Variants in UGT2B17 observed in about 807,000 individuals in gnomAD.
UGT2B17 encodes UDP-glucuronosyltransferase 2B17.
UGT2B17 carries 21 observed loss-of-function variants against 48.2 expected under a neutral mutation model. The observed-to-expected ratio is 0.44, with a 90% CI of 0.31 to 0.63. The LOEUF (loss-of-function observed/expected upper bound fraction) is 0.63. UGT2B17 is among the 20% of genes least tolerant of loss of function. The probability of loss-of-function intolerance (pLI) is 0.08; values close to 1 mark genes in which losing one functional copy is unlikely to be tolerated. For synonymous variants in UGT2B17, 146 were observed against 238.4 expected, an observed-to-expected ratio of 0.61 and a Z score of 3.57; for missense variants, 402 against 696.1, an observed-to-expected ratio of 0.58 and a Z score of 4.75.
At chr4:68,566,630 C>A in intron 2 of UGT2B17, among the ~76,000 whole-genome samples, 1 of 114,878 alleles carries the variant, frequency 8.7e-6, no homozygotes, top group Non-Finnish European at 1.8e-5. Context: ...CACCATGATT[C>A]TAAGTTTCTT....
In UGT2B17 at chr4:68,552,258, C is replaced by T. The variant is rs1450070518; in HGVS notation, c.1006-347G>A. ...ACCTACTTCCCATTCTATTCAAAGT[C>T]AGCCCTTGGCTCACTGAGATAAATG... On this transcript the variant is annotated intron_variant, in intron 4 of 6. Coordinates refer to ENST00000317746, the MANE Select transcript of UGT2B17 (RefSeq NM_001077.4). 1.6e-5 allele frequency among the ~76,000 whole-genome samples: 2 copies of T among 126,210 alleles called. 1 individual carries two copies. Among genetic ancestry groups the T allele is most frequent in the Non-Finnish European group, 3.4e-5 (2 of 59,464 alleles). The allele number at this position is 126,210 out of a possible 152,430, so 82.8% of individuals were successfully genotyped here.
In UGT2B17 at chr4:68,576,033, C is replaced by T. The variant is rs149980930; in HGVS notation, c.-147G>A. On this transcript the variant is annotated 5_prime_UTR_variant, in exon 1 of 7. Transcript: ENST00000317746. ...GTTAATCCTCCACGGGGGCCTGCTA[C>T]GTGTTGATCTGGTGAGGTGTTCCAC... 0.016 allele frequency among the ~76,000 whole-genome samples: 1,973 copies of T among 125,998 alleles called. 407 individuals are homozygous for T. Among genetic ancestry groups the T allele is most frequent in the African/African-American group, 0.051 (1,892 of 36,802 alleles). 82.7% of individuals were successfully genotyped at this position (125,998 alleles called of 152,430 possible). A position where few individuals can be genotyped will look rare whatever the true frequency, so the allele number is the denominator to read the frequency against.
intron 3 of UGT2B17, among the ~76,000 whole-genome samples, chr4:68,564,497 C>T (rs1295459554): frequency 8.2e-6 from 1 of 121,392 alleles, no homozygotes; most frequent in Non-Finnish European, 1.7e-5. Flanking sequence ...CCATGCTGGC[C>T]AGTCTGGTCT....
chr4:68,555,398 C>T (rs1320814656), intron 4 of UGT2B17, among the ~76,000 whole-genome samples: 1 of 126,104 alleles, frequency 7.9e-6, no homozygotes, highest in Non-Finnish European at 1.7e-5. Context: ...GCAATCTAGT[C>T]CACAGGCATT....
Position 68,537,527 on chromosome 4 carries a change from G to C in UGT2B17, c.*98C>G. The C allele has an allele frequency of 9.2e-7, 1 of 1,088,422 alleles. No homozygotes were observed. The highest frequency in any genetic ancestry group is 1.2e-6 in the Non-Finnish European group (1 of 847,308). The allele number at this position is 1,088,422 out of a possible 1,614,324, so 67.4% of individuals were successfully genotyped here. On this transcript the variant is annotated 3_prime_UTR_variant, in exon 7 of 7. Coordinates refer to ENST00000317746, the MANE Select transcript of UGT2B17 (RefSeq NM_001077.4). ...AGGGTAAGTTGTGAAAAGACGTTTT[G>C]TCGCAGGAAAAAGGAAATCCTCCAT...
At chr4:68,546,786 A>G (rs1730819630) in intron 6 of UGT2B17, among the ~76,000 whole-genome samples, 1 of 124,784 alleles carries the variant, frequency 8.0e-6, no homozygotes, top group Non-Finnish European at 1.7e-5. Context: ...CCCATAACAG[A>G]CAAACAGAGA....
At chr4:68,547,570 C>G (rs1461684277) in intron 6 of UGT2B17, among the ~76,000 whole-genome samples, 1 of 125,216 alleles carries the variant, frequency 8.0e-6, no homozygotes, top group Non-Finnish European at 1.7e-5. Flanking sequence ...CCAAAATTGA[C>G]AAATGGGATC....
rs145103523 is a variant in UGT2B17 at position 68,537,754 on chromosome 4, C to T, written c.1464G>A (p.Gln488=). 15 of 1,379,780 alleles carry T rather than the reference C, an allele frequency of 1.1e-5. 4 individuals carry two copies. The highest frequency in any genetic ancestry group is 2.0e-5 in the Admixed American group (1 of 50,600). The allele number at this position is 1,379,780 out of a possible 1,614,324, so 85.5% of individuals were successfully genotyped here. A position where few individuals can be genotyped will look rare whatever the true frequency, so the allele number is the denominator to read the frequency against. ...RVAAHNLTWI[Q]YHSLDVIAFL... is the part of the protein sequence containing the mutation. Reference sequence around the variant, plus strand: ...ATGCTATCACATCCAAAGAGTGGTACTGGATCCAGGTGAGGTTGTGGGCTG... The same window carrying T: ...ATGCTATCACATCCAAAGAGTGGTATTGGATCCAGGTGAGGTTGTGGGCTG... Residue 488 remains glutamine (Q), a synonymous_variant, in exon 7 of 7, where the codon CAG becomes CAA. Transcript: ENST00000317746.
chr4:68,554,825 A>G (rs1342794807), intron 4 of UGT2B17, among the ~76,000 whole-genome samples: 1 of 125,604 alleles, frequency 8.0e-6, no homozygotes, highest in Non-Finnish European at 1.7e-5. Context: ...CATACAGATT[A>G]CCTATTGAAA....
Position 68,557,514 on chromosome 4 carries a change from C to CTTTG in UGT2B17, c.1005+3019_1005+3022dup, listed in dbSNP as rs781004290. Among the ~76,000 whole-genome samples, 15 of 121,584 alleles carry CTTTG rather than the reference C, an allele frequency of 1.2e-4. 5 individuals carry two copies. The highest frequency in any genetic ancestry group is 2.4e-4 in the Non-Finnish European group (14 of 57,876). The allele number at this position is 121,584 out of a possible 152,430, so 79.8% of individuals were successfully genotyped here. On this transcript the variant is annotated intron_variant, in intron 4 of 6. Coordinates refer to ENST00000317746, the MANE Select transcript of UGT2B17 (RefSeq NM_001077.4). ...GACTTTGCTTAAAACATTGCTGATC[C>CTTTG]TTTGTTTTGTTTTGTTTTTTTTTTT...
Position 68,557,156 on chromosome 4 carries a change from T to C in UGT2B17, c.1005+3381A>G, listed in dbSNP as rs1267145649. 5.6e-5 allele frequency among the ~76,000 whole-genome samples: 7 copies of C among 125,092 alleles called. 1 individual carries two copies. The highest frequency in any genetic ancestry group is 1.0e-4 in the Non-Finnish European group (6 of 59,130). 82.1% of individuals were successfully genotyped at this position (125,092 alleles called of 152,430 possible). A position where few individuals can be genotyped will look rare whatever the true frequency, so the allele number is the denominator to read the frequency against. On this transcript the variant is annotated intron_variant, in intron 4 of 6. Coordinates refer to ENST00000317746, the MANE Select transcript of UGT2B17 (RefSeq NM_001077.4). ...GACTTAGTGTGTACATTATCAGTAA[T>C]AATTATATTTGTTATGTTAAGTTAT...
chr4:68,570,827 C>T lies in UGT2B17; in HGVS notation c.-64-2279G>A, dbSNP rs1267308199. On this transcript the variant is annotated intron_variant, in intron 1 of 6. Transcript: ENST00000317746. ...GCTGGGAACCACTTTCTAAACATGGCTTCAGGGTTGAATCCGTGCTACACT... is the reference window on the plus strand; with the variant it reads ...GCTGGGAACCACTTTCTAAACATGGTTTCAGGGTTGAATCCGTGCTACACT... Among the ~76,000 whole-genome samples, 6 of 126,586 alleles carry T rather than the reference C, an allele frequency of 4.7e-5. 2 individuals are homozygous for T. The highest frequency in any genetic ancestry group is 3.3e-5 in the Non-Finnish European group (2 of 59,766). The allele number at this position is 126,586 out of a possible 152,430, so 83.0% of individuals were successfully genotyped here.
At chr4:68,561,539 C>T (rs1731103434) in intron 3 of UGT2B17, among the ~76,000 whole-genome samples, 1 of 123,910 alleles carries the variant, frequency 8.1e-6, no homozygotes, top group Admixed American at 8.3e-5. Context: ...ATGAGGGACC[C>T]TCATCCTCAC....
intron 1 of UGT2B17, among the ~76,000 whole-genome samples, chr4:68,569,155 G>A (rs1214877663): frequency 8.0e-6 from 1 of 124,608 alleles, no homozygotes; most frequent in Non-Finnish European, 1.7e-5. Context: ...GCAGCATGCA[G>A]AGGCTTGCAT....
chr4:68,545,138 A>G (rs1247321750), intron 6 of UGT2B17, among the ~76,000 whole-genome samples: 1 of 125,968 alleles, frequency 7.9e-6, no homozygotes, highest in Non-Finnish European at 1.7e-5. Context: ...TCAGCACCAC[A>G]CCACACCAAC....
At chr4:68,553,796 A>G (rs1349307291) in intron 4 of UGT2B17, among the ~76,000 whole-genome samples, 1 of 120,552 alleles carries the variant, frequency 8.3e-6, no homozygotes, top group Non-Finnish European at 1.7e-5. Flanking sequence ...TTATTCCCCA[A>G]ATTAATCTCA....
intron 6 of UGT2B17, among the ~76,000 whole-genome samples, chr4:68,543,063 G>A (rs1730709797): frequency 7.9e-6 from 1 of 126,032 alleles, no homozygotes; most frequent in Non-Finnish European, 1.7e-5. Context: ...AGTCTTAAAT[G>A]TCCCTGTCTG....
chr4:68,567,690 T>A lies in UGT2B17; in HGVS notation c.724+71A>T. On this transcript the variant is annotated intron_variant, in intron 2 of 6. Coordinates refer to ENST00000317746, the MANE Select transcript of UGT2B17 (RefSeq NM_001077.4). ...AAAACACTATCTTCTGACATTATATTTATATAAGCCCACCTTCAAAGGCAC... is the reference window on the plus strand; with the variant it reads ...AAAACACTATCTTCTGACATTATATATATATAAGCCCACCTTCAAAGGCAC... 4.7e-6 allele frequency: 5 copies of A among 1,056,506 alleles called. 1 individual carries two copies. Among genetic ancestry groups the A allele is most frequent in the Non-Finnish European group, 6.2e-6 (5 of 808,874 alleles). The allele number at this position is 1,056,506 out of a possible 1,614,324, so 65.4% of individuals were successfully genotyped here.
At chr4:68,539,664 T>A (rs1730618265) in intron 6 of UGT2B17, among the ~76,000 whole-genome samples, 1 of 124,398 alleles carries the variant, frequency 8.0e-6, no homozygotes, top group African/African-American at 2.7e-5. Context: ...GATTTATAAT[T>A]TGATTCTAGT....
Sources: gnomAD v4.1 joint callset for allele counts (sites outside exome capture counted in the v4.1 genomes callset) on GRCh38, gnomAD v4.1.1 for gene constraint, MANE v1.5 for transcripts, NCBI Gene and HGNC (gene_info 2026-07-23, HGNC 2026-07-21) for gene names.